The following ADAMTS3 variants were observed in gnomAD, a reference collection of about 807,000 sequenced individuals.
ADAMTS3 encodes ADAM metallopeptidase with thrombospondin type 1 motif 3.
ADAMTS3 carries 73 observed loss-of-function variants against 129.0 expected under a neutral mutation model. That is an observed-to-expected ratio of 0.57 (90% confidence interval 0.47 to 0.69). The LOEUF (loss-of-function observed/expected upper bound fraction) is 0.69. Ranked by LOEUF, ADAMTS3 falls within the 30% of genes least tolerant of loss-of-function variation. The probability of loss-of-function intolerance (pLI) is 0.00; values close to 1 mark genes in which losing one functional copy is unlikely to be tolerated. For missense variants in ADAMTS3, 1,457 were observed against 1,514.5 expected (o/e 0.96, Z 0.63); for synonymous variants, 477 against 510.8 (o/e 0.93, Z 0.89).
intron 3 of ADAMTS3, among the ~76,000 whole-genome samples, chr4:72,435,497 A>C (rs1722799522): frequency 6.6e-6 from 1 of 151,870 alleles, no homozygotes; most frequent in Non-Finnish European, 1.5e-5. Flanking sequence ...AAAATAATAA[A>C]TTTCTCAATT....
intron 3 of ADAMTS3, among the ~76,000 whole-genome samples, chr4:72,458,600 A>T (rs985628776): frequency 6.6e-6 from 1 of 151,488 alleles, no homozygotes; most frequent in Non-Finnish European, 1.5e-5. Flanking sequence ...GAATGGTGAA[A>T]TGGATAATTC....
At chr4:72,313,577 G>T in intron 12 of ADAMTS3, 100 bp downstream of exon 12, 1 of 1,255,944 alleles carries the variant, frequency 8.0e-7, no homozygotes, top group Non-Finnish European at 1.1e-6. Flanking sequence ...TTCCTGCCCT[G>T]TGTTTTACAT....
intron 4 of ADAMTS3, among the ~76,000 whole-genome samples, chr4:72,344,242 A>C (rs879560370): frequency 2.0e-5 from 3 of 152,176 alleles, no homozygotes; most frequent in Non-Finnish European, 2.9e-5. Flanking sequence ...TAAGGCTTGA[A>C]ATATTTTTAG....
At chr4:72,518,972 G>A (rs1404169975) in intron 3 of ADAMTS3, among the ~76,000 whole-genome samples, 11 of 151,930 alleles carry the variant, frequency 7.2e-5, no homozygotes, top group Non-Finnish European at 8.8e-5. Flanking sequence ...GCAGCGGCTG[G>A]TACCAGTTGT....
In ADAMTS3 at chr4:72,311,111, C is replaced by A; in HGVS notation, c.1992G>T (p.Val664=). ...TGTAAGAACAGTGCGTTCCATCATG[C>A]ACCAGTTGTTTCATGTAAGCAACAT... The part of the protein sequence containing the change: ...TGDVAYMKQL[V]HDGTHCSYKD... Residue 664 remains valine, a synonymous_variant, in exon 14 of 22, where the codon GTG becomes GTT. Coordinates refer to ENST00000286657, the MANE Select transcript of ADAMTS3 (RefSeq NM_014243.3). 6.2e-7 allele frequency: 1 copy of A among 1,612,782 alleles called. No homozygotes were observed. The highest frequency in any genetic ancestry group is 8.5e-7 in the Non-Finnish European group (1 of 1,179,096).
Position 72,333,581 on chromosome 4 carries a change from G to T in ADAMTS3, c.861+5913C>A, listed in dbSNP as rs182705220. Among the ~76,000 whole-genome samples, 323 of 152,172 alleles carry T rather than the reference G, an allele frequency of 2.1e-3. 2 individuals carry two copies. The Middle Eastern group carries it at 0.041, about 19-fold the overall frequency. On this transcript the variant is annotated intron_variant, in intron 5 of 21. Transcript: ENST00000286657. ...ATTTTTCTTTACAAGGCCGAGAGAA[G>T]CAGGAACCGACCCTCAGTGGCTTTT...
chr4:72,434,569 C>A (rs1490949201), intron 3 of ADAMTS3, among the ~76,000 whole-genome samples: 2 of 151,782 alleles, frequency 1.3e-5, no homozygotes, highest in African/African-American at 2.4e-5. Context: ...TATACCCCAG[C>A]CAACAGTGTG....
intron 3 of ADAMTS3, among the ~76,000 whole-genome samples, chr4:72,494,671 T>C (rs1326723224): frequency 6.6e-6 from 1 of 152,234 alleles, no homozygotes; most frequent in Non-Finnish European, 1.5e-5. Flanking sequence ...CATTGACATC[T>C]GCACATTTGA....
chr4:72,445,930 A>G (rs1397611984), intron 3 of ADAMTS3, among the ~76,000 whole-genome samples: 1 of 151,754 alleles, frequency 6.6e-6, no homozygotes, highest in Non-Finnish European at 1.5e-5. Flanking sequence ...GAACTGAAAT[A>G]AACTACAAGG....
chr4:72,514,273 G>A (rs1312106051), intron 3 of ADAMTS3, among the ~76,000 whole-genome samples: 1 of 152,100 alleles, frequency 6.6e-6, no homozygotes, highest in Non-Finnish European at 1.5e-5. Context: ...CAAGTTACAA[G>A]TACTTCTAGG....
chr4:72,530,475 A>ATATAAATATATAAAAAT (rs1553921191), intron 3 of ADAMTS3, among the ~76,000 whole-genome samples: 25 of 81,632 alleles, frequency 3.1e-4, no homozygotes, highest in African/African-American at 1.2e-3. Flanking sequence ...ATATTAATTT[A>ATATAAATATATAAAAAT]ATATATAAAT....
chr4:72,441,404 C>T (rs1718113450), intron 3 of ADAMTS3, among the ~76,000 whole-genome samples: 1 of 151,728 alleles, frequency 6.6e-6, no homozygotes, highest in African/African-American at 2.4e-5. Context: ...TATAGGCTTT[C>T]TTTACATATC....
intron 3 of ADAMTS3, among the ~76,000 whole-genome samples, chr4:72,488,031 C>T (rs1423825307): frequency 6.6e-6 from 1 of 151,886 alleles, no homozygotes; most frequent in African/African-American, 2.4e-5. Flanking sequence ...GGTTATGAGT[C>T]CATAAATTTC....
intron 3 of ADAMTS3, among the ~76,000 whole-genome samples, chr4:72,438,462 A>G (rs971905007): frequency 1.3e-5 from 2 of 151,812 alleles, no homozygotes; most frequent in African/African-American, 4.8e-5. Flanking sequence ...TAAAATAACT[A>G]TGTTTTTCTA....
chr4:72,455,988 C>CTA lies in ADAMTS3; in HGVS notation c.505-41019_505-41018dup, dbSNP rs1242934170. Among the ~76,000 whole-genome samples the CTA allele has an allele frequency of 1.3e-3, 17 of 13,546 alleles. 3 individuals are homozygous for CTA. Among genetic ancestry groups the CTA allele is most frequent in the African/African-American group, 2.2e-3 (15 of 6,800 alleles). The allele number at this position is 13,546 out of a possible 152,430, so 8.9% of individuals were successfully genotyped here. A position where few individuals can be genotyped will look rare whatever the true frequency, so the allele number is the denominator to read the frequency against. ...ATATATTTTACATATAGTATATATA[C>CTA]TATATATATTTTACATATAGTATAT... On this transcript the variant is annotated intron_variant, in intron 3 of 21. Coordinates refer to ENST00000286657, the MANE Select transcript of ADAMTS3 (RefSeq NM_014243.3).
At chr4:72,478,558 T>C (rs1308296989) in intron 3 of ADAMTS3, among the ~76,000 whole-genome samples, 16 of 148,374 alleles carry the variant, frequency 1.1e-4, no homozygotes, top group African/African-American at 3.7e-4. Flanking sequence ...TAATAAGAGC[T>C]ATCTATGACA....
Position 72,477,371 on chromosome 4 carries a change from C to T in ADAMTS3, c.505-62400G>A, listed in dbSNP as rs139744028. 4.5e-3 allele frequency among the ~76,000 whole-genome samples: 688 copies of T among 152,222 alleles called. 9 individuals carry two copies. Among genetic ancestry groups the T allele is most frequent in the African/African-American group, 0.016 (664 of 41,536 alleles). ...AGACCACAGTGCAATCAAACTAGAA[C>T]TCAGGATTAAGAAACTCACTCAAAA... On this transcript the variant is annotated intron_variant, in intron 3 of 21. Coordinates refer to ENST00000286657, the MANE Select transcript of ADAMTS3 (RefSeq NM_014243.3).
intron 13 of ADAMTS3, among the ~76,000 whole-genome samples, chr4:72,311,827 A>G (rs1321143899): frequency 6.6e-6 from 1 of 152,170 alleles, no homozygotes; most frequent in Non-Finnish European, 1.5e-5. Flanking sequence ...ATTAAAAGAA[A>G]ATTTCCAAAT....
intron 4 of ADAMTS3, among the ~76,000 whole-genome samples, chr4:72,401,686 T>G (rs899633917): frequency 6.6e-6 from 1 of 151,688 alleles, no homozygotes; most frequent in African/African-American, 2.4e-5. Context: ...TTTATAAGAT[T>G]ATAAAACCAT....
Sources: gnomAD v4.1 joint callset for allele counts (sites outside exome capture counted in the v4.1 genomes callset) on GRCh38, gnomAD v4.1.1 for gene constraint, MANE v1.5 for transcripts, NCBI Gene and HGNC (gene_info 2026-07-23, HGNC 2026-07-21) for gene names.